Variants in KLHL1 observed in about 807,000 individuals in gnomAD.
KLHL1 encodes kelch-like protein 1.
KLHL1 carries 47 observed loss-of-function variants against 77.7 expected under a neutral mutation model. The observed-to-expected ratio is 0.60, with a 90% confidence interval of 0.48 to 0.77. The LOEUF (loss-of-function observed/expected upper bound fraction) is 0.77. Ranked by LOEUF, KLHL1 falls within the 30% of genes least tolerant of loss-of-function variation. The pLI is 0.00. For missense variants in KLHL1, 925 were observed against 910.8 expected (o/e 1.02, Z -0.20); for synonymous variants, 360 against 325.2 (o/e 1.11, Z -1.15).
chr13:69,964,512 G>T (rs1050616112), intron 2 of KLHL1, among the ~76,000 whole-genome samples: 2 of 152,024 alleles, frequency 1.3e-5, no homozygotes, highest in Non-Finnish European at 2.9e-5. Context: ...GCTTCCTGGA[G>T]CAGTGCATGG....
chr13:69,744,238 A>G (rs1874107865), intron 7 of KLHL1, among the ~76,000 whole-genome samples: 1 of 152,112 alleles, frequency 6.6e-6, no homozygotes, highest in Non-Finnish European at 1.5e-5. Context: ...TAGGTGAGAG[A>G]AAAATCAGAA....
chr13:70,067,116 G>A (rs901008674), intron 1 of KLHL1, among the ~76,000 whole-genome samples: 39 of 152,122 alleles, frequency 2.6e-4, no homozygotes, highest in African/African-American at 9.2e-4. Flanking sequence ...TGACAAACCT[G>A]TTATTACGTG....
chr13:69,976,897 G>A (rs4353389), intron 1 of KLHL1, among the ~76,000 whole-genome samples: 40,515 of 151,910 alleles, frequency 0.27, 6,601 homozygotes, highest in Non-Finnish European at 0.35. Flanking sequence ...TATTCACTGC[G>A]TATTCTTTCC....
chr13:69,832,162 G>A (rs1473847591), intron 6 of KLHL1, among the ~76,000 whole-genome samples: 3 of 149,538 alleles, frequency 2.0e-5, no homozygotes, highest in African/African-American at 5.0e-5. Context: ...TCAAACTGTC[G>A]CTGTTCACTG....
At chr13:70,007,097 T>C (rs1885424901) in intron 1 of KLHL1, among the ~76,000 whole-genome samples, 1 of 151,972 alleles carries the variant, frequency 6.6e-6, no homozygotes, top group African/African-American at 2.4e-5. Flanking sequence ...TTCATAGGTT[T>C]CAAGGGAAAT....
chr13:69,842,260 C>A (rs1879293550), intron 5 of KLHL1, among the ~76,000 whole-genome samples: 1 of 151,720 alleles, frequency 6.6e-6, no homozygotes, highest in South Asian at 2.1e-4. Flanking sequence ...AAAAGAAAAT[C>A]TGCTTAATGG....
At chr13:69,860,836 T>C (rs987912521) in intron 5 of KLHL1, among the ~76,000 whole-genome samples, 2 of 151,624 alleles carry the variant, frequency 1.3e-5, no homozygotes, top group African/African-American at 4.8e-5. Flanking sequence ...TAATTAGATA[T>C]CTTTAGAATT....
At chr13:69,836,352 G>A (rs938486589) in intron 6 of KLHL1, among the ~76,000 whole-genome samples, 1 of 152,080 alleles carries the variant, frequency 6.6e-6, no homozygotes, top group Non-Finnish European at 1.5e-5. Flanking sequence ...GATGTACACA[G>A]CAAGAGGCAG....
chr13:69,762,350 C>A (rs1036902329), intron 7 of KLHL1, among the ~76,000 whole-genome samples: 1 of 152,054 alleles, frequency 6.6e-6, no homozygotes, highest in Non-Finnish European at 1.5e-5. Context: ...GAAGGCCTAT[C>A]CCTAAAATTA....
At chr13:69,843,972 G>A (rs2138119173) in intron 5 of KLHL1, among the ~76,000 whole-genome samples, 1 of 151,564 alleles carries the variant, frequency 6.6e-6, no homozygotes, top group East Asian at 1.9e-4. Flanking sequence ...ATTAATTAAT[G>A]ATAATTTGTG....
chr13:69,719,319 A>T (rs749963399), intron 9 of KLHL1, 50 bp downstream of exon 9: 3 of 1,504,716 alleles, frequency 2.0e-6, no homozygotes, highest in African/African-American at 2.8e-5. Flanking sequence ...TCAGGCATCA[A>T]TGTGATTTGC....
At chr13:70,026,655 A>T (rs1337025709) in intron 1 of KLHL1, among the ~76,000 whole-genome samples, 1 of 151,906 alleles carries the variant, frequency 6.6e-6, no homozygotes, top group Non-Finnish European at 1.5e-5. Context: ...CAATGGCTAG[A>T]AATTCAAAGG....
chr13:69,959,218 A>G (rs893142323), intron 3 of KLHL1, among the ~76,000 whole-genome samples: 2 of 152,022 alleles, frequency 1.3e-5, no homozygotes, highest in Non-Finnish European at 2.9e-5. Context: ...TTTGTACAGC[A>G]GGATGCTGAG....
chr13:69,824,958 GTGT>G, intron 6 of KLHL1, among the ~76,000 whole-genome samples: 1 of 152,056 alleles, frequency 6.6e-6, no homozygotes, highest in East Asian at 1.9e-4. Context: ...GTATCCAAAT[GTGT>G]TTAGGATCAA....
At chr13:70,025,757 T>C (rs1019033573) in intron 1 of KLHL1, among the ~76,000 whole-genome samples, 6 of 152,028 alleles carry the variant, frequency 3.9e-5, no homozygotes, top group African/African-American at 1.4e-4. Context: ...TGTACAGGCA[T>C]ATATATTTTT....
chr13:69,976,879 C>T (rs779074306), intron 1 of KLHL1, among the ~76,000 whole-genome samples: 1 of 152,048 alleles, frequency 6.6e-6, no homozygotes, highest in Non-Finnish European at 1.5e-5. Flanking sequence ...TTAGAGTCAT[C>T]TCAAAATTAT....
rs189053820 is a variant in KLHL1 at position 70,038,314 on chromosome 13, G to T, written c.498-62512C>A. ...GCTTTTTAATACCTGTTGAAGGGTA[G>T]CTGGACTCTTCCATGTTTTGCCTAT... On this transcript the variant is annotated intron_variant, in intron 1 of 10. Transcript: ENST00000377844. Among the ~76,000 whole-genome samples the T allele has an allele frequency of 1.7e-3, 254 of 152,274 alleles. 1 individual carries two copies. Among genetic ancestry groups the T allele is most frequent in the African/African-American group, 6.0e-3 (248 of 41,554 alleles).
rs548246823 is a variant in KLHL1 at position 69,741,527 on chromosome 13, C to G, written c.1640-971G>C. Among the ~76,000 whole-genome samples, 4 of 152,220 alleles carry G rather than the reference C, an allele frequency of 2.6e-5. No individual in the cohort carries two copies. In the South Asian group the frequency reaches 8.3e-4, roughly 32 times the overall value. On this transcript the variant is annotated intron_variant, in intron 7 of 10. Transcript: ENST00000377844. ...TATTACTCATAGCAACAGCAATAAT[C>G]AGAGTACCATCAATTTTTGTTTCTG...
intron 1 of KLHL1, among the ~76,000 whole-genome samples, chr13:70,077,772 T>C (rs1887299406): frequency 1.3e-5 from 2 of 152,130 alleles, no homozygotes; most frequent in Admixed American, 6.5e-5. Context: ...AATTTCAAAA[T>C]TGATAATGAG....
Sources: allele counts gnomAD v4.1 joint callset (sites outside exome capture counted in the v4.1 genomes callset), GRCh38; gene constraint gnomAD v4.1.1; transcripts MANE v1.5; gene names NCBI Gene and HGNC (gene_info 2026-07-23, HGNC 2026-07-21).